CADM2: variants seen among roughly 807,000 people sequenced by gnomAD.
CADM2 encodes the protein cell adhesion molecule 2.
CADM2 carries 12 observed loss-of-function variants against 49.8 expected under a neutral mutation model. The observed-to-expected ratio is 0.24, with a 90% CI of 0.15 to 0.39. The LOEUF is 0.39. CADM2 is among the 10% of genes least tolerant of loss of function. The pLI, the probability that CADM2 is intolerant of heterozygous loss-of-function variation, is 1.00. For missense variants in CADM2, 378 were observed against 492.3 expected (o/e 0.77, Z 2.20); for synonymous variants, 214 against 175.4 (o/e 1.22, Z -1.74).
chr3:85,065,618 C>T (rs970362971), intron 1 of CADM2, among the ~76,000 whole-genome samples: 1 of 152,122 alleles, frequency 6.6e-6, no homozygotes, highest in African/African-American at 2.4e-5. Flanking sequence ...AAGATTTTTC[C>T]AGTCCCTTTA....
intron 1 of CADM2, among the ~76,000 whole-genome samples, chr3:85,667,985 T>G (rs1436913726): frequency 6.6e-6 from 1 of 152,008 alleles, no homozygotes; most frequent in Non-Finnish European, 1.5e-5. Flanking sequence ...GAAGGCTAAT[T>G]TAACCTAAAT....
intron 1 of CADM2, among the ~76,000 whole-genome samples, chr3:85,670,488 G>A (rs992678847): frequency 2.6e-5 from 4 of 152,042 alleles, no homozygotes; most frequent in African/African-American, 7.2e-5. Flanking sequence ...TGGCATGTCA[G>A]TGTCACATTC....
rs577770585 is a variant in CADM2 at position 85,204,567 on chromosome 3, C to A, written c.61+244899C>A. Among the ~76,000 whole-genome samples the A allele has an allele frequency of 5.3e-5, 8 of 152,228 alleles. No homozygotes were observed. In the East Asian group the frequency reaches 1.2e-3, roughly 22 times the overall value. ...GTCTCTTCAAAAATTGTATTCATGA[C>A]ACTATAATGTAATATTTTTAAAATC... On this transcript the variant is annotated intron_variant, in intron 1 of 9. Coordinates refer to ENST00000383699, the MANE Select transcript of CADM2 (RefSeq NM_001167675.2).
At position 85,778,673 on chromosome 3, in the gene CADM2, G is replaced by A. The variant is rs905575507; in HGVS notation, c.89-23374G>A. Among the ~76,000 whole-genome samples, 7 of 151,942 alleles carry A rather than the reference G, an allele frequency of 4.6e-5. No homozygotes were observed. The East Asian group carries it at 9.7e-4, about 21-fold the overall frequency. ...TTCCTTTATAAATCTCCCAGTCTTGGGTATTTCTTCATAGAAATGTGAGAA... is the reference window on the plus strand; with the variant it reads ...TTCCTTTATAAATCTCCCAGTCTTGAGTATTTCTTCATAGAAATGTGAGAA... On this transcript the variant is annotated intron_variant, in intron 2 of 9. Transcript: ENST00000383699.
chr3:85,218,552 C>T (rs9855858), intron 1 of CADM2, among the ~76,000 whole-genome samples: 1 of 152,250 alleles, frequency 6.6e-6, no homozygotes, highest in Non-Finnish European at 1.5e-5. Context: ...AATCCCAGCA[C>T]TTTTGGAGCC....
At chr3:85,350,509 T>C (rs986077380) in intron 1 of CADM2, among the ~76,000 whole-genome samples, 2 of 152,162 alleles carry the variant, frequency 1.3e-5, no homozygotes, top group Non-Finnish European at 2.9e-5. Flanking sequence ...AACCTCTTGA[T>C]CTCATCTTTT....
intron 2 of CADM2, among the ~76,000 whole-genome samples, chr3:85,766,313 G>A (rs1427118794): frequency 6.6e-6 from 1 of 152,068 alleles, no homozygotes; most frequent in East Asian, 1.9e-4. Context: ...AGGAAAAATT[G>A]AGAATGAAAG....
intron 1 of CADM2, among the ~76,000 whole-genome samples, chr3:85,301,756 A>G (rs928251861): frequency 6.6e-6 from 1 of 152,040 alleles, no homozygotes; most frequent in Non-Finnish European, 1.5e-5. Context: ...AAAGCAGCTC[A>G]TAGGGCTAGG....
At chr3:85,997,980 G>A (rs1216537805) in intron 8 of CADM2, among the ~76,000 whole-genome samples, 2 of 152,022 alleles carry the variant, frequency 1.3e-5, no homozygotes, top group Non-Finnish European at 2.9e-5. Context: ...ATTTTGCATT[G>A]AACATGTAGT....
intron 1 of CADM2, among the ~76,000 whole-genome samples, chr3:85,470,244 C>A (rs780368299): frequency 5.3e-5 from 8 of 151,960 alleles, no homozygotes; most frequent in Non-Finnish European, 5.9e-5. Flanking sequence ...AATAACAATG[C>A]GAAGAATATA....
At chr3:85,802,398 A>G (rs1449546572) in intron 3 of CADM2, among the ~76,000 whole-genome samples, 1 of 152,156 alleles carries the variant, frequency 6.6e-6, no homozygotes, top group African/African-American at 2.4e-5. Context: ...TTAATAAAAT[A>G]AACACTCATA....
intron 1 of CADM2, among the ~76,000 whole-genome samples, chr3:85,621,159 A>G (rs2063964534): frequency 6.6e-6 from 1 of 152,170 alleles, no homozygotes; most frequent in South Asian, 2.1e-4. Flanking sequence ...TTTTCTAGTT[A>G]CACTGTAATG....
At chr3:85,655,381 G>A (rs1004564351) in intron 1 of CADM2, among the ~76,000 whole-genome samples, 1 of 151,848 alleles carries the variant, frequency 6.6e-6, no homozygotes, top group African/African-American at 2.4e-5. Context: ...GGCTGGTCTC[G>A]AACTCCAGAC....
chr3:85,627,952 C>T (rs1165456258), intron 1 of CADM2, among the ~76,000 whole-genome samples: 1 of 152,008 alleles, frequency 6.6e-6, no homozygotes, highest in Non-Finnish European at 1.5e-5. Flanking sequence ...TTTCCACATC[C>T]TGATGAGGTT....
intron 1 of CADM2, among the ~76,000 whole-genome samples, chr3:85,518,422 CTT>C (rs35500944): frequency 4.9e-5 from 7 of 142,502 alleles, no homozygotes. Flanking sequence ...ACAATCTAGG[CTT>C]TTTTTTTTTT....
intron 1 of CADM2, among the ~76,000 whole-genome samples, chr3:85,031,763 G>A (rs1255395835): frequency 1.3e-5 from 2 of 151,622 alleles, no homozygotes; most frequent in East Asian, 1.9e-4. Context: ...CTCGTGATCC[G>A]CCCGCCTTGG....
intron 1 of CADM2, among the ~76,000 whole-genome samples, chr3:85,071,255 G>C (rs940983762): frequency 6.6e-6 from 1 of 151,760 alleles, no homozygotes; most frequent in Non-Finnish European, 1.5e-5. Context: ...ATGAGAGAGG[G>C]AGAGGTAGGA....
chr3:85,956,101 T>G (rs1056375843), intron 7 of CADM2, among the ~76,000 whole-genome samples: 1 of 151,684 alleles, frequency 6.6e-6, no homozygotes, highest in African/African-American at 2.4e-5. Context: ...ATGGACTAAG[T>G]GTTCTCATGT....
intron 1 of CADM2, among the ~76,000 whole-genome samples, chr3:85,380,784 C>CT (rs373428131): frequency 6.6e-6 from 1 of 151,752 alleles, no homozygotes; most frequent in Non-Finnish European, 1.5e-5. Context: ...TAATCAATTA[C>CT]TTTTTTTAGA....
Sources: gnomAD v4.1 joint callset for allele counts (sites outside exome capture counted in the v4.1 genomes callset) on GRCh38, gnomAD v4.1.1 for gene constraint, MANE v1.5 for transcripts, NCBI Gene and HGNC (gene_info 2026-07-23, HGNC 2026-07-21) for gene names.